Variants in NCALD observed in about 807,000 individuals in gnomAD.
NCALD encodes the protein neurocalcin-delta.
NCALD carries 10 observed loss-of-function variants against 18.6 expected under a neutral mutation model. The ratio of observed to expected loss-of-function variants is 0.54; its 90% CI spans 0.33 to 0.91. NCALD has a LOEUF of 0.91. Ranked by LOEUF, NCALD falls within the 40% of genes least tolerant of loss-of-function variation. NCALD has a pLI of 0.03. For synonymous variants in NCALD, 88 were observed against 87.4 expected (o/e 1.01, Z -0.04); for missense variants, 184 against 247.6 (o/e 0.74, Z 1.72).
At chr8:102,088,462 A>G (rs373765775) in intron 1 of NCALD, among the ~76,000 whole-genome samples, 3 of 152,186 alleles carry the variant, frequency 2.0e-5, no homozygotes, top group African/African-American at 7.2e-5. Context: ...GCTATGGTTA[A>G]AAGTCAGCTT....
rs370041901 is a variant in NCALD, at chr8:101,863,975, G to A, written c.-20+23166C>T. Among the ~76,000 whole-genome samples, 5 of 152,128 alleles carry A rather than the reference G, an allele frequency of 3.3e-5. No homozygotes were observed. The East Asian group carries it at 9.6e-4, about 29-fold the overall frequency. ...AGAATTCCAAGGGGATGGGGCCTGGGCATTAGAGATTTTTTAAATCTCCCC... is the reference window on the plus strand; with the variant it reads ...AGAATTCCAAGGGGATGGGGCCTGGACATTAGAGATTTTTTAAATCTCCCC... On this transcript the variant is annotated intron_variant, in intron 4 of 6. Transcript: ENST00000311028.
At chr8:101,837,662 G>A (rs1458498117) in intron 4 of NCALD, among the ~76,000 whole-genome samples, 4 of 152,048 alleles carry the variant, frequency 2.6e-5, no homozygotes, top group Non-Finnish European at 5.9e-5. Context: ...TAAATCTTAT[G>A]AACCTTAGCC....
rs892743979 is a variant in NCALD at position 101,687,442 on chromosome 8, C to G, written c.*1867G>C. 1 of 152,602 alleles carries G rather than the reference C, an allele frequency of 6.6e-6. No homozygotes were observed. Among genetic ancestry groups the G allele is most frequent in the Non-Finnish European group, 1.5e-5 (1 of 68,040 alleles). The allele number at this position is 152,602 out of a possible 1,614,324, so 9.5% of individuals were successfully genotyped here. ...TACAGAACCACTGTGAGGAACTGAC[C>G]CCTGGAGGAAGACTAGGATTATTTT... is the stretch of plus-strand genomic sequence containing the variant. On this transcript the variant is annotated 3_prime_UTR_variant, in exon 4 of 4. Coordinates refer to ENST00000220931, the MANE Select transcript of NCALD (RefSeq NM_032041.3).
intron 1 of NCALD, among the ~76,000 whole-genome samples, chr8:102,113,776 G>A (rs568031118): frequency 3.3e-5 from 5 of 152,160 alleles, no homozygotes; most frequent in East Asian, 1.9e-4. Flanking sequence ...ACATTTCTTG[G>A]CCAGTTATGA....
At chr8:101,793,265 G>A (rs542183791), upstream of NCALD, among the ~76,000 whole-genome samples, 17 of 151,394 alleles carry the variant, frequency 1.1e-4, no homozygotes, top group African/African-American at 1.7e-4. Flanking sequence ...CAGGAGGATC[G>A]CTTGAACCTG....
At chr8:102,072,448 T>G (rs1451862653) in intron 1 of NCALD, among the ~76,000 whole-genome samples, 1 of 152,134 alleles carries the variant, frequency 6.6e-6, no homozygotes, top group Admixed American at 6.5e-5. Context: ...AAATTTCTGA[T>G]AGTCAACCAT....
chr8:101,719,345 C>G lies in NCALD; in HGVS notation c.285G>C (p.Gly95=), dbSNP rs761760762. The change falls in exon 2 of 4, where the codon GGG becomes GGC. Residue 95 remains glycine (G), a synonymous_variant. Coordinates refer to ENST00000220931, the MANE Select transcript of NCALD (RefSeq NM_032041.3). The part of the protein sequence containing the change: ...FIIALSVTSR[G]KLEQKLKWAF... Reference sequence around the variant, plus strand: ...CCCATTTCAGCTTCTGCTCCAGCTTCCCCCTCGAAGTTACACTCAAGGCGA... The same window carrying G: ...CCCATTTCAGCTTCTGCTCCAGCTTGCCCCTCGAAGTTACACTCAAGGCGA... 6.2e-7 allele frequency: 1 copy of G among 1,614,192 alleles called. No individual in the cohort carries two copies. Among genetic ancestry groups the G allele is most frequent in the South Asian group, 1.1e-5 (1 of 91,078 alleles).
intron 1 of NCALD, among the ~76,000 whole-genome samples, chr8:102,044,763 T>C (rs766479737): frequency 6.6e-6 from 1 of 152,162 alleles, no homozygotes; most frequent in Non-Finnish European, 1.5e-5. Flanking sequence ...GTTAAGAGCA[T>C]ATGGTTAAGA....
At chr8:101,722,391 T>C (rs757533075) in intron 1 of NCALD, among the ~76,000 whole-genome samples, 1 of 152,200 alleles carries the variant, frequency 6.6e-6, no homozygotes, top group Non-Finnish European at 1.5e-5. Flanking sequence ...CGGTAATACA[T>C]AATACCCGGC....
At chr8:101,858,483 A>G (rs73280814) in intron 4 of NCALD, among the ~76,000 whole-genome samples, 1,786 of 152,278 alleles carry the variant, frequency 0.012, 34 homozygotes, top group African/African-American at 0.039. Context: ...TTCCTCCCCT[A>G]TCCCAGCCTG....
At chr8:101,768,189 A>G (rs981522877) in intron 1 of NCALD, among the ~76,000 whole-genome samples, 2 of 152,196 alleles carry the variant, frequency 1.3e-5, no homozygotes, top group Admixed American at 1.3e-4. Context: ...GCTATAATAC[A>G]TGTTACATTT....
intron 2 of NCALD, among the ~76,000 whole-genome samples, chr8:101,948,780 C>T (rs1373391907): frequency 6.6e-6 from 1 of 152,192 alleles, no homozygotes; most frequent in Admixed American, 6.5e-5. Flanking sequence ...GACCCGGAGC[C>T]AGGCTGCCTA....
chr8:101,913,906 G>A (rs543001011), intron 3 of NCALD, among the ~76,000 whole-genome samples: 1 of 151,984 alleles, frequency 6.6e-6, no homozygotes, highest in East Asian at 1.9e-4. Flanking sequence ...TCAAATAAAT[G>A]GTTTATTTTC....
chr8:102,085,689 T>G (rs1037460102), intron 1 of NCALD, among the ~76,000 whole-genome samples: 2 of 151,638 alleles, frequency 1.3e-5, no homozygotes, highest in East Asian at 3.9e-4. Context: ...ACCCAGGAGG[T>G]TGCAATGAGC....
intron 4 of NCALD, among the ~76,000 whole-genome samples, chr8:101,869,727 G>C (rs1451416064): frequency 1.3e-5 from 2 of 152,020 alleles, no homozygotes; most frequent in Admixed American, 1.3e-4. Context: ...TTAAACCAAA[G>C]TCTACACATG....
intron 4 of NCALD, among the ~76,000 whole-genome samples, chr8:101,807,923 A>G (rs1176561021): frequency 6.6e-6 from 1 of 152,182 alleles, no homozygotes; most frequent in Non-Finnish European, 1.5e-5. Context: ...AGTAGAAAGA[A>G]GGAAATAATA....
At chr8:102,078,704 A>G (rs1413746299) in intron 1 of NCALD, among the ~76,000 whole-genome samples, 1 of 152,210 alleles carries the variant, frequency 6.6e-6, no homozygotes, top group African/African-American at 2.4e-5. Context: ...GGCTCTGCCC[A>G]TGATTCAAGT....
At chr8:101,935,620 G>A (rs1350311183) in intron 2 of NCALD, among the ~76,000 whole-genome samples, 1 of 152,068 alleles carries the variant, frequency 6.6e-6, no homozygotes, top group East Asian at 1.9e-4. Context: ...GGTCACTGGG[G>A]GCCTTGACAA....
upstream of NCALD, among the ~76,000 whole-genome samples, chr8:101,792,603 C>T (rs796224592): frequency 6.6e-5 from 10 of 152,340 alleles, no homozygotes; most frequent in African/African-American, 2.2e-4. Context: ...ATTTCACCAA[C>T]AGCCACAATT....
Sources: allele counts gnomAD v4.1 joint callset (sites outside exome capture counted in the v4.1 genomes callset), GRCh38; gene constraint gnomAD v4.1.1; transcripts MANE v1.5; gene names NCBI Gene and HGNC (gene_info 2026-07-23, HGNC 2026-07-21).